GRAMD2B: variants seen among roughly 807,000 people sequenced by gnomAD.
GRAMD2B encodes the protein GRAM domain-containing protein 2B.
Under a neutral mutation model 59.2 loss-of-function variants are expected in GRAMD2B, and 41 were observed. The ratio of observed to expected loss-of-function variants is 0.69; its 90% CI spans 0.54 to 0.90. GRAMD2B has a LOEUF of 0.90. Among genes scored for constraint, GRAMD2B ranks in the 40% least tolerant of loss-of-function variants. The probability of loss-of-function intolerance (pLI) is 0.00; values close to 1 mark genes in which losing one functional copy is unlikely to be tolerated. For missense variants in GRAMD2B, 424 were observed against 500.5 expected, an observed-to-expected ratio of 0.85 and a Z score of 1.46; for synonymous variants, 161 against 182.7, an observed-to-expected ratio of 0.88 and a Z score of 0.96.
chr5:126,478,341 G>A (rs1771046392), intron 6 of GRAMD2B, among the ~76,000 whole-genome samples: 1 of 152,148 alleles, frequency 6.6e-6, no homozygotes, highest in Admixed American at 6.5e-5. Context: ...GGGAAGCTGA[G>A]GTAGGAGAAT....
intron 1 of GRAMD2B, among the ~76,000 whole-genome samples, chr5:126,399,050 G>A (rs753904310): frequency 6.6e-6 from 1 of 152,128 alleles, no homozygotes; most frequent in Non-Finnish European, 1.5e-5. Context: ...ATGTGCACTT[G>A]TGAAAAATGA....
chr5:126,447,974 C>T (rs1764652817), intron 1 of GRAMD2B, among the ~76,000 whole-genome samples: 1 of 151,876 alleles, frequency 6.6e-6, no homozygotes, highest in Non-Finnish European at 1.5e-5. Context: ...ATTCTTCTGC[C>T]TCAGCCTCCC....
chr5:126,433,434 C>G (rs1761901947), intron 1 of GRAMD2B: 1 of 152,210 alleles, frequency 6.6e-6, no homozygotes, highest in Admixed American at 6.5e-5. Context: ...CCATTAAAGT[C>G]TGTGCATCCC....
chr5:126,436,530 T>C (rs1236998443), intron 1 of GRAMD2B, among the ~76,000 whole-genome samples: 1 of 152,128 alleles, frequency 6.6e-6, no homozygotes, highest in Non-Finnish European at 1.5e-5. Context: ...TACAAGCCTA[T>C]AGTTCCAGCT....
intron 1 of GRAMD2B, among the ~76,000 whole-genome samples, chr5:126,379,329 A>G (rs1000655034): frequency 6.6e-6 from 1 of 152,020 alleles, no homozygotes; most frequent in Non-Finnish European, 1.5e-5. Flanking sequence ...GGCTGGTTCC[A>G]TATTTTTGCA....
chr5:126,444,208 T>C (rs888578946), intron 1 of GRAMD2B, among the ~76,000 whole-genome samples: 59 of 152,206 alleles, frequency 3.9e-4, no homozygotes, highest in Non-Finnish European at 1.5e-4. Flanking sequence ...AGAGAATTTA[T>C]GGAATTTAAG....
chr5:126,483,799 G>A (rs773771445), intron 9 of GRAMD2B, among the ~76,000 whole-genome samples: 6 of 152,190 alleles, frequency 3.9e-5, no homozygotes, highest in Non-Finnish European at 8.8e-5. Flanking sequence ...TTTAACAGAG[G>A]TCTTTTAAAT....
chr5:126,423,770 G>A (rs1760081544), intron 1 of GRAMD2B, 81 bp downstream of exon 1: 2 of 1,407,470 alleles, frequency 1.4e-6, no homozygotes, highest in African/African-American at 1.5e-5. Context: ...CGCATTTTGG[G>A]TGGATGCGGA....
At chr5:126,466,801 C>CCA (rs747159753) in intron 2 of GRAMD2B, among the ~76,000 whole-genome samples, 8 of 152,166 alleles carry the variant, frequency 5.3e-5, no homozygotes, top group Admixed American at 2.0e-4. Context: ...ATGTCTTTTA[C>CCA]CACTGTTGGC....
rs1203273066 is a variant in GRAMD2B, at chr5:126,424,091, G to C, written c.83+402G>C. On this transcript the variant is annotated intron_variant, in intron 1 of 13. Transcript: ENST00000285689. ...GTTCAATAACGATGGGCAATACAAG[G>C]ATAAATGTTATTTTGGATCTGCCCT... Among the ~76,000 whole-genome samples, 3 of 152,254 alleles carry C rather than the reference G, an allele frequency of 2.0e-5. No homozygotes were observed. The East Asian group carries it at 5.8e-4, about 29-fold the overall frequency.
At chr5:126,414,091 T>C (rs1759062003) in intron 1 of GRAMD2B, among the ~76,000 whole-genome samples, 1 of 152,116 alleles carries the variant, frequency 6.6e-6, no homozygotes, top group Admixed American at 6.6e-5. Context: ...CGACAATCCC[T>C]TAGACATCCA....
chr5:126,434,526 A>AT (rs576454532), intron 1 of GRAMD2B, among the ~76,000 whole-genome samples: 135 of 148,982 alleles, frequency 9.1e-4, no homozygotes, highest in Non-Finnish European at 1.8e-3. Flanking sequence ...TTTTATTTTT[A>AT]TTTTTTTTTG....
intron 1 of GRAMD2B, among the ~76,000 whole-genome samples, chr5:126,436,168 A>G (rs1007551090): frequency 1.1e-4 from 16 of 152,252 alleles, no homozygotes; most frequent in Admixed American, 9.8e-4. Flanking sequence ...ATTGGGGAAT[A>G]CCTAAGAGGT....
At chr5:126,391,987 C>A (rs1480121053) in intron 1 of GRAMD2B, among the ~76,000 whole-genome samples, 5 of 152,186 alleles carry the variant, frequency 3.3e-5, no homozygotes, top group Non-Finnish European at 7.3e-5. Flanking sequence ...AGTTCATATT[C>A]TGTAAATACA....
At chr5:126,403,923 G>A (rs947401175) in intron 1 of GRAMD2B, among the ~76,000 whole-genome samples, 2 of 151,794 alleles carry the variant, frequency 1.3e-5, no homozygotes, top group Non-Finnish European at 2.9e-5. Flanking sequence ...TCAAGCATTA[G>A]ATGTTGAGCA....
chr5:126,393,508 T>C (rs1757029242), intron 1 of GRAMD2B, among the ~76,000 whole-genome samples: 1 of 152,236 alleles, frequency 6.6e-6, no homozygotes, highest in Non-Finnish European at 1.5e-5. Context: ...AGCAGCAGCA[T>C]TTAAATACTA....
At chr5:126,483,279 A>G (rs1465355456) in intron 8 of GRAMD2B, among the ~76,000 whole-genome samples, 184 bp from the exon 9 acceptor site, 1 of 152,218 alleles carries the variant, frequency 6.6e-6, no homozygotes, top group Non-Finnish European at 1.5e-5. Flanking sequence ...TAACTGCCTG[A>G]AAAATCTGTT....
intron 1 of GRAMD2B, among the ~76,000 whole-genome samples, chr5:126,429,680 A>C (rs1262018056): frequency 6.6e-6 from 1 of 152,196 alleles, no homozygotes; most frequent in Non-Finnish European, 1.5e-5. Flanking sequence ...ATGACATGAA[A>C]TGTAATTAAA....
At chr5:126,370,428 T>TA (rs1754687742), upstream of GRAMD2B, among the ~76,000 whole-genome samples, 1 of 152,206 alleles carries the variant, frequency 6.6e-6, no homozygotes, top group African/African-American at 2.4e-5. Context: ...TGTCACTGAC[T>TA]AATCACAAGG....
Sources: allele counts gnomAD v4.1 joint callset (sites outside exome capture counted in the v4.1 genomes callset), GRCh38; gene constraint gnomAD v4.1.1; transcripts MANE v1.5; gene names NCBI Gene and HGNC (gene_info 2026-07-23, HGNC 2026-07-21).